Variants in EFNA2 observed in about 807,000 individuals in gnomAD.
EFNA2 encodes ephrin-A2.
A neutral mutation model predicts 19.7 loss-of-function variants in EFNA2; 18 were observed. The observed-to-expected ratio is 0.91, with a 90% CI of 0.63 to 1.35. EFNA2 has a LOEUF of 1.35. EFNA2 is among the 40% of genes most tolerant of loss of function. The probability of loss-of-function intolerance (pLI) is 0.00; values close to 1 mark genes in which losing one functional copy is unlikely to be tolerated. For missense variants in EFNA2, 303 were observed against 296.0 expected (o/e 1.02, Z -0.17); for synonymous variants, 187 against 137.8 (o/e 1.36, Z -2.50).
In EFNA2 at chr19:1,296,094, G is replaced by A. The variant is rs951859832; in HGVS notation, c.454+236G>A. Among the ~76,000 whole-genome samples the A allele has an allele frequency of 6.6e-6, 1 of 152,212 alleles. No homozygotes were observed. Among genetic ancestry groups the A allele is most frequent in the African/African-American group, 2.4e-5 (1 of 41,460 alleles). On this transcript the variant is annotated intron_variant, in intron 2 of 3. Transcript: ENST00000215368. The surrounding 1 kb of genome is among the most constrained non-coding windows in gnomAD (Gnocchi z 4.4). Reference sequence around the variant, plus strand: ...CGGTGCTGGCCACTGACCCACCCCGGTCACTGACCCCCTCCAGATGTCAAG... The same window carrying A: ...CGGTGCTGGCCACTGACCCACCCCGATCACTGACCCCCTCCAGATGTCAAG...
chr19:1,285,249 G>T (rs147194977), upstream of EFNA2, among the ~76,000 whole-genome samples: 231 of 152,336 alleles, frequency 1.5e-3, no homozygotes, highest in Non-Finnish European at 2.7e-3. This position sits in a 1 kb window ranked among gnomAD's most constrained non-coding sequence, Gnocchi z 4.1. Context: ...GGATTCGTGC[G>T]TGGAGACTGA....
rs2081512674 is a variant in EFNA2, at chr19:1,295,913, C to G, written c.454+55C>G. 2.9e-5 allele frequency: 11 copies of G among 381,224 alleles called. No homozygotes were observed. The highest frequency in any genetic ancestry group is 1.9e-4 in the South Asian group (7 of 35,948). The allele number at this position is 381,224 out of a possible 1,614,324, so 23.6% of individuals were successfully genotyped here. A position where few individuals can be genotyped will look rare whatever the true frequency, so the allele number is the denominator to read the frequency against. ...GCCCGAGTGGGCGGGGACGCGGGGG[C>G]GGGGCCAGGAAGTGGGCGGGACCAC... On this transcript the variant is annotated intron_variant, in intron 2 of 3. Transcript: ENST00000215368. This position sits in a 1 kb window ranked among gnomAD's most constrained non-coding sequence, Gnocchi z 5.8.
chr19:1,298,147 G>C (rs2081524527), intron 2 of EFNA2, among the ~76,000 whole-genome samples: 1 of 151,630 alleles, frequency 6.6e-6, no homozygotes, highest in African/African-American at 2.4e-5. Flanking sequence ...GGTCCAGAGA[G>C]GGAGCGGCTT....
Position 1,287,551 on chromosome 19 carries a change from G to T in EFNA2, c.140+1243G>T, listed in dbSNP as rs968289390. ...GAAGGGGTCTCTTTGAGGCGGGCTCGGGGACAAGGGCGGCCCGTGTTCCGC... is the reference window on the plus strand; with the variant it reads ...GAAGGGGTCTCTTTGAGGCGGGCTCTGGGACAAGGGCGGCCCGTGTTCCGC... On this transcript the variant is annotated intron_variant, in intron 1 of 3. Transcript: ENST00000215368. The surrounding 1 kb of genome is among the most constrained non-coding windows in gnomAD (Gnocchi z 6.2). Among the ~76,000 whole-genome samples the T allele has an allele frequency of 6.6e-6, 1 of 152,102 alleles. No homozygotes were observed. The highest frequency in any genetic ancestry group is 1.5e-5 in the Non-Finnish European group (1 of 67,996).
At position 1,300,152 on chromosome 19, in the gene EFNA2, C is replaced by G. The variant is rs189087659; in HGVS notation, c.*207C>G. On this transcript the variant is annotated 3_prime_UTR_variant, in exon 4 of 4. Transcript: ENST00000215368. The stretch of plus-strand genomic sequence containing the variant: ...GAGGGGAAACGGCCGAGAGCCCCCC[C>G]CCGGAGGCCCGAGGGGCCGGGGTGT... 22 of 645,616 alleles carry G rather than the reference C, an allele frequency of 3.4e-5. No individual in the cohort carries two copies. The highest frequency in any genetic ancestry group is 1.5e-4 in the Admixed American group (4 of 26,616). The allele number at this position is 645,616 out of a possible 1,614,324, so 40.0% of individuals were successfully genotyped here. A position where few individuals can be genotyped will look rare whatever the true frequency, so the allele number is the denominator to read the frequency against.
chr19:1,288,067 C>T (rs905408251), intron 1 of EFNA2, among the ~76,000 whole-genome samples: 8 of 152,362 alleles, frequency 5.3e-5, no homozygotes, highest in South Asian at 2.1e-4. Flanking sequence ...CCTGAGGGAA[C>T]GGCCTTGCTG....
At position 1,301,275 on chromosome 19, in the gene EFNA2, C is replaced by T. The variant is rs1349937179; in HGVS notation, c.*1330C>T. Among the ~76,000 whole-genome samples the T allele has an allele frequency of 2.1e-5, 3 of 144,760 alleles. No homozygotes were observed. The highest frequency in any genetic ancestry group is 4.5e-5 in the Non-Finnish European group (3 of 66,436). The allele number at this position is 144,760 out of a possible 152,430, so 95.0% of individuals were successfully genotyped here. A position where few individuals can be genotyped will look rare whatever the true frequency, so the allele number is the denominator to read the frequency against. ...GGCCGCCGGCCGGCGGCTCGAGGCA[C>T]GCCCGGTGGTGGGGGGTGGGCAGAG... On this transcript the variant is annotated 3_prime_UTR_variant, in exon 4 of 4. Transcript: ENST00000215368.
At position 1,286,500 on chromosome 19, in the gene EFNA2, G is replaced by A. The variant is rs2081465783; in HGVS notation, c.140+192G>A. Among the ~76,000 whole-genome samples, 1 of 151,802 alleles carries A rather than the reference G, an allele frequency of 6.6e-6. No homozygotes were observed. Among genetic ancestry groups the A allele is most frequent in the Non-Finnish European group, 1.5e-5 (1 of 67,880 alleles). On this transcript the variant is annotated intron_variant, in intron 1 of 3. Coordinates refer to ENST00000215368, the MANE Select transcript of EFNA2 (RefSeq NM_001405.4). The surrounding 1 kb of genome is among the most constrained non-coding windows in gnomAD (Gnocchi z 5.6). ...AGTTTGGGGGACTCGCCCTTTTCGC[G>A]CCTGCCTTCCCCGGGGCGCCCCATT...
At position 1,287,850 on chromosome 19, in the gene EFNA2, T is replaced by C. The variant is rs1297281658; in HGVS notation, c.140+1542T>C. Among the ~76,000 whole-genome samples the C allele has an allele frequency of 1.3e-5, 2 of 152,224 alleles. No homozygotes were observed. The highest frequency in any genetic ancestry group is 2.9e-5 in the Non-Finnish European group (2 of 68,026). ...GTCCCCAGCGTGGCCTGTCCTTTGTTCTAGCAAACGCCAAACACACGAGGA... is the reference window on the plus strand; with the variant it reads ...GTCCCCAGCGTGGCCTGTCCTTTGTCCTAGCAAACGCCAAACACACGAGGA... On this transcript the variant is annotated intron_variant, in intron 1 of 3. Transcript: ENST00000215368. This position sits in a 1 kb window ranked among gnomAD's most constrained non-coding sequence, Gnocchi z 6.2.
At position 1,300,182 on chromosome 19, in the gene EFNA2, G is replaced by A. The variant is rs2081534980; in HGVS notation, c.*237G>A. 7 of 435,402 alleles carry A rather than the reference G, an allele frequency of 1.6e-5. No homozygotes were observed. The highest frequency in any genetic ancestry group is 2.8e-5 in the Non-Finnish European group (7 of 250,540). The allele number at this position is 435,402 out of a possible 1,614,324, so 27.0% of individuals were successfully genotyped here. On this transcript the variant is annotated 3_prime_UTR_variant, in exon 4 of 4. Transcript: ENST00000215368. ...AGGCCCGAGGGGCCGGGGTGTGGAT[G>A]CGGACCGTGGCCAGGCCATCTCCTC...
chr19:1,286,951 G>A lies in EFNA2; in HGVS notation c.140+643G>A, dbSNP rs2081467873. On this transcript the variant is annotated intron_variant, in intron 1 of 3. Transcript: ENST00000215368. This position sits in a 1 kb window ranked among gnomAD's most constrained non-coding sequence, Gnocchi z 5.6. ...TGGAGTCCTCTCTTGTCCTCTGGGC[G>A]CTGACCAGGAAACTGAGGTGCAGAG... 6.6e-6 allele frequency among the ~76,000 whole-genome samples: 1 copy of A among 152,172 alleles called. No individual in the cohort carries two copies. The highest frequency in any genetic ancestry group is 2.4e-5 in the African/African-American group (1 of 41,430).
At position 1,286,437 on chromosome 19, in the gene EFNA2, T is replaced by C; in HGVS notation, c.140+129T>C. On this transcript the variant is annotated intron_variant, in intron 1 of 3. Coordinates refer to ENST00000215368, the MANE Select transcript of EFNA2 (RefSeq NM_001405.4). This position sits in a 1 kb window ranked among gnomAD's most constrained non-coding sequence, Gnocchi z 5.6. Reference sequence around the variant, plus strand: ...CCGCCGCCGGGATGCGGGCGCCCGGTTCCCGCGGGAGCCCCCCAGGGAGCT... The same window carrying C: ...CCGCCGCCGGGATGCGGGCGCCCGGCTCCCGCGGGAGCCCCCCAGGGAGCT... 1 of 218,018 alleles carries C rather than the reference T, an allele frequency of 4.6e-6. No homozygotes were observed. The highest frequency in any genetic ancestry group is 7.7e-6 in the Non-Finnish European group (1 of 130,442). 13.5% of individuals were successfully genotyped at this position (218,018 alleles called of 1,614,324 possible).
In EFNA2 at chr19:1,294,335, G is replaced by A. The variant is rs1344850299; in HGVS notation, c.141-1210G>A. Among the ~76,000 whole-genome samples, 1 of 152,192 alleles carries A rather than the reference G, an allele frequency of 6.6e-6. No homozygotes were observed. The highest frequency in any genetic ancestry group is 1.5e-5 in the Non-Finnish European group (1 of 68,028). ...CCGAGGCAGTGAGGGAAGGGGAGCCGCCGGTCCCTTCCTCGGCTGATCTCT... is the reference window on the plus strand; with the variant it reads ...CCGAGGCAGTGAGGGAAGGGGAGCCACCGGTCCCTTCCTCGGCTGATCTCT... On this transcript the variant is annotated intron_variant, in intron 1 of 3. Transcript: ENST00000215368. The surrounding 1 kb of genome is among the most constrained non-coding windows in gnomAD (Gnocchi z 5.8).
rs900497951 is a variant in EFNA2 at position 1,285,886 on chromosome 19, C to T, written c.-283C>T. On this transcript the variant is annotated 5_prime_UTR_variant, in exon 1 of 4. Coordinates refer to ENST00000215368, the MANE Select transcript of EFNA2 (RefSeq NM_001405.4). The surrounding 1 kb of genome is among the most constrained non-coding windows in gnomAD (Gnocchi z 4.1). ...GGGACAAAGGCCGGAGCCCGGGCCC[C>T]TCCCCGGCGGGTGCGGCGGCGGCGG... 1.5e-4 allele frequency among the ~76,000 whole-genome samples: 22 copies of T among 146,312 alleles called. No individual in the cohort carries two copies. The East Asian group carries it at 1.6e-3, about 11-fold the overall frequency.
rs1392119614 is a variant in EFNA2, at chr19:1,287,204, A to G, written c.140+896A>G. Reference sequence around the variant, plus strand: ...GCCTGGCCATGGCCTGGACGTGGGTAGAACCCTCTGAACCATCCCAGGGTC... The same window carrying G: ...GCCTGGCCATGGCCTGGACGTGGGTGGAACCCTCTGAACCATCCCAGGGTC... On this transcript the variant is annotated intron_variant, in intron 1 of 3. Transcript: ENST00000215368. This position sits in a 1 kb window ranked among gnomAD's most constrained non-coding sequence, Gnocchi z 6.2. Among the ~76,000 whole-genome samples, 5 of 152,224 alleles carry G rather than the reference A, an allele frequency of 3.3e-5. No homozygotes were observed. The highest frequency in any genetic ancestry group is 7.3e-5 in the Non-Finnish European group (5 of 68,040).
At chr19:1,289,203 C>T (rs2081480301) in intron 1 of EFNA2, among the ~76,000 whole-genome samples, 1 of 152,240 alleles carries the variant, frequency 6.6e-6, no homozygotes, top group Non-Finnish European at 1.5e-5. Flanking sequence ...ATATGAGGTG[C>T]ATGTGTGTGC....
rs1036087232 is a variant in EFNA2, at chr19:1,295,492, C to T, written c.141-53C>T. 6.1e-6 allele frequency: 9 copies of T among 1,475,062 alleles called. No homozygotes were observed. Among genetic ancestry groups the T allele is most frequent in the Non-Finnish European group, 5.4e-6 (6 of 1,114,670 alleles). The allele number at this position is 1,475,062 out of a possible 1,614,324, so 91.4% of individuals were successfully genotyped here. A position where few individuals can be genotyped will look rare whatever the true frequency, so the allele number is the denominator to read the frequency against. On this transcript the variant is annotated intron_variant, in intron 1 of 3. Transcript: ENST00000215368. This position sits in a 1 kb window ranked among gnomAD's most constrained non-coding sequence, Gnocchi z 5.8. The stretch of plus-strand genomic sequence containing the variant: ...CTGGCCCTCCCCGCGCACCCCGACC[C>T]GTGCCCCGTTCCTCGCTCCGGGCGC...
rs1226759225 is a variant in EFNA2, at chr19:1,287,202, G to A, written c.140+894G>A. Among the ~76,000 whole-genome samples, 1 of 152,216 alleles carries A rather than the reference G, an allele frequency of 6.6e-6. No homozygotes were observed. Among genetic ancestry groups the A allele is most frequent in the African/African-American group, 2.4e-5 (1 of 41,454 alleles). The stretch of plus-strand genomic sequence containing the variant: ...GGGCCTGGCCATGGCCTGGACGTGG[G>A]TAGAACCCTCTGAACCATCCCAGGG... On this transcript the variant is annotated intron_variant, in intron 1 of 3. Transcript: ENST00000215368. The surrounding 1 kb of genome is among the most constrained non-coding windows in gnomAD (Gnocchi z 6.2).
intron 1 of EFNA2, among the ~76,000 whole-genome samples, chr19:1,291,460 G>C (rs2081491109): frequency 1.3e-5 from 2 of 152,228 alleles, no homozygotes; most frequent in African/African-American, 4.8e-5. Flanking sequence ...GAAAAGCCAG[G>C]TGTGGGTGCT....
Sources: allele counts gnomAD v4.1 joint callset (sites outside exome capture counted in the v4.1 genomes callset), GRCh38; gene constraint gnomAD v4.1.1; non-coding constraint Gnocchi (gnomAD v3.1); transcripts MANE v1.5; gene names NCBI Gene and HGNC (gene_info 2026-07-23, HGNC 2026-07-21).